The following ESRRG variants were observed in gnomAD, a reference collection of about 807,000 sequenced individuals.
The protein encoded by ESRRG is estrogen-related receptor gamma.
ESRRG carries 13 observed loss-of-function variants against 44.0 expected under a neutral mutation model. That is an observed-to-expected ratio of 0.30 (90% CI 0.19 to 0.47). The LOEUF (loss-of-function observed/expected upper bound fraction) is 0.47, where lower values mean the gene tolerates loss of function less well. ESRRG is among the 20% of genes least tolerant of loss of function. The pLI, the probability that ESRRG is intolerant of heterozygous loss-of-function variation, is 1.00. For synonymous variants in ESRRG, 215 were observed against 214.6 expected, an observed-to-expected ratio of 1.00 and a Z score of -0.02; for missense variants, 395 against 580.6, an observed-to-expected ratio of 0.68 and a Z score of 3.29.
rs145082116 is a variant in ESRRG at position 216,621,222 on chromosome 1, G to A, written c.589+29751C>T. On this transcript the variant is annotated intron_variant, in intron 3 of 6. Coordinates refer to ENST00000408911, the MANE Select transcript of ESRRG (RefSeq NM_001438.4). ...CCCTATCGAAATGGGCAAAAATTCA[G>A]TTTATTATCCAATTTAAACATTTTT... Among the ~76,000 whole-genome samples the A allele has an allele frequency of 8.2e-3, 1,254 of 152,240 alleles. 17 individuals carry two copies. Among genetic ancestry groups the A allele is most frequent in the African/African-American group, 0.028 (1,177 of 41,540 alleles).
At chr1:217,084,002 C>A (rs549535733) in intron 1 of ESRRG, among the ~76,000 whole-genome samples, 2 of 151,966 alleles carry the variant, frequency 1.3e-5, no homozygotes, top group Non-Finnish European at 2.9e-5. Context: ...CCAAAAATCA[C>A]GTGGGATTGC....
At chr1:216,676,332 T>C (rs2076102062) in intron 2 of ESRRG, among the ~76,000 whole-genome samples, 1 of 152,136 alleles carries the variant, frequency 6.6e-6, no homozygotes, top group African/African-American at 2.4e-5. Context: ...AAGTTTGGGG[T>C]ATATATCACT....
intron 2 of ESRRG, among the ~76,000 whole-genome samples, chr1:216,791,556 C>T (rs2094321082): frequency 6.6e-6 from 1 of 152,124 alleles, no homozygotes; most frequent in African/African-American, 2.4e-5. Context: ...GAAATCATCA[C>T]TTTAATTTCT....
intron 1 of ESRRG, among the ~76,000 whole-genome samples, chr1:217,026,910 CACAG>C (rs1237223592): frequency 1.3e-3 from 129 of 97,164 alleles, no homozygotes; most frequent in African/African-American, 2.8e-3. Context: ...CACACACACA[CACAG>C]AGAGAGAGAG....
intron 5 of ESRRG, among the ~76,000 whole-genome samples, chr1:216,552,480 G>A (rs963797325): frequency 3.9e-5 from 6 of 152,118 alleles, no homozygotes; most frequent in Admixed American, 2.0e-4. Flanking sequence ...GGCATTTAAC[G>A]TTTGTTGAAC....
chr1:216,900,468 C>T (rs2058943900), intron 2 of ESRRG, among the ~76,000 whole-genome samples: 1 of 152,098 alleles, frequency 6.6e-6, no homozygotes, highest in Admixed American at 6.5e-5. Context: ...GGGAACACTC[C>T]CTGAAGCACT....
At chr1:216,620,668 C>G (rs2062078564) in intron 3 of ESRRG, among the ~76,000 whole-genome samples, 1 of 152,104 alleles carries the variant, frequency 6.6e-6, no homozygotes, top group African/African-American at 2.4e-5. Context: ...GGGGTTTAGT[C>G]ATTTATATGT....
intron 2 of ESRRG, among the ~76,000 whole-genome samples, chr1:216,792,003 A>T (rs567317746): frequency 6.6e-6 from 1 of 152,162 alleles, no homozygotes; most frequent in African/African-American, 2.4e-5. Context: ...AATAAGAAAT[A>T]TAAGAAAAAT....
At chr1:216,519,507 C>T (rs2045412811) in intron 5 of ESRRG, 86 bp from the exon 6 acceptor site, 1 of 1,272,278 alleles carries the variant, frequency 7.9e-7, no homozygotes, top group Non-Finnish European at 1.1e-6. Context: ...CTGGCTTCTG[C>T]ATCAGTGCTC....
At chr1:216,909,961 AG>A (rs1356876900) in intron 2 of ESRRG, among the ~76,000 whole-genome samples, 2 of 152,212 alleles carry the variant, frequency 1.3e-5, no homozygotes, top group Admixed American at 1.3e-4. Context: ...CATTGGATGT[AG>A]AGTCATAAAA....
intron 3 of ESRRG, among the ~76,000 whole-genome samples, chr1:216,628,027 A>G (rs1363665478): frequency 6.6e-6 from 1 of 152,208 alleles, no homozygotes; most frequent in East Asian, 1.9e-4. Flanking sequence ...TATGAACTAC[A>G]CAATCAACTT....
intron 3 of ESRRG, among the ~76,000 whole-genome samples, chr1:216,587,192 C>G (rs994775327): frequency 1.3e-5 from 2 of 152,116 alleles, no homozygotes; most frequent in African/African-American, 4.8e-5. Context: ...GTTTCACAAT[C>G]CGTAATGTTG....
chr1:216,713,864 T>C (rs1385622286), intron 1 of ESRRG, among the ~76,000 whole-genome samples: 1 of 152,186 alleles, frequency 6.6e-6, no homozygotes, highest in East Asian at 1.9e-4. Context: ...GTAGAAGTGA[T>C]TATTCTTTTC....
At chr1:216,912,693 A>C (rs1467088638) in intron 2 of ESRRG, among the ~76,000 whole-genome samples, 1 of 152,226 alleles carries the variant, frequency 6.6e-6, no homozygotes, top group Non-Finnish European at 1.5e-5. Flanking sequence ...AGGTATGTCC[A>C]TCTGACACTG....
chr1:216,988,017 C>A (rs1189581690), intron 1 of ESRRG, among the ~76,000 whole-genome samples: 2 of 152,128 alleles, frequency 1.3e-5, no homozygotes, highest in African/African-American at 2.4e-5. Context: ...GCCTTTCCTT[C>A]TCTGTCTTAT....
intron 1 of ESRRG, among the ~76,000 whole-genome samples, chr1:217,055,843 T>C (rs1014216739): frequency 6.6e-6 from 1 of 152,198 alleles, no homozygotes; most frequent in Non-Finnish European, 1.5e-5. Context: ...CACCCAGATG[T>C]CTATACAATT....
intron 1 of ESRRG, among the ~76,000 whole-genome samples, chr1:216,709,343 G>GTATATATATATA (rs71163761): frequency 0.044 from 6,451 of 145,180 alleles, 510 homozygotes; most frequent in African/African-American, 0.16. Flanking sequence ...GTGTGTGTGT[G>GTATATATATATA]TATATATATA....
At chr1:216,740,931 C>T (rs191495731) in intron 2 of ESRRG, among the ~76,000 whole-genome samples, 49 of 151,526 alleles carry the variant, frequency 3.2e-4, no homozygotes, top group African/African-American at 1.2e-3. Context: ...TTCATTTTTC[C>T]ACCTTCTGAA....
chr1:217,042,734 T>C (rs1218225638), intron 1 of ESRRG, among the ~76,000 whole-genome samples: 4 of 151,946 alleles, frequency 2.6e-5, no homozygotes, highest in African/African-American at 9.7e-5. Flanking sequence ...ATCTGTTCAC[T>C]TTAAAAAAAA....
Sources: gnomAD v4.1 joint callset for allele counts (sites outside exome capture counted in the v4.1 genomes callset) on GRCh38, gnomAD v4.1.1 for gene constraint, MANE v1.5 for transcripts, NCBI Gene and HGNC (gene_info 2026-07-23, HGNC 2026-07-21) for gene names.